Variants in TECRL observed in about 807,000 individuals in gnomAD.
The protein encoded by TECRL is trans-2,3-enoyl-CoA reductase like, also known as trans-2,3-enoyl-CoA reductase-like.
In TECRL, 63 loss-of-function variants were observed where a neutral mutation model predicts 52.8. The ratio of observed to expected loss-of-function variants is 1.19; its 90% confidence interval spans 0.97 to 1.47. TECRL has a LOEUF of 1.47. Among genes scored for constraint, TECRL ranks in the 40% most tolerant of loss-of-function variants. TECRL has a pLI of 0.00. For missense variants in TECRL, 482 were observed against 429.6 expected, an observed-to-expected ratio of 1.12 and a Z score of -1.08; for synonymous variants, 164 against 141.9, an observed-to-expected ratio of 1.16 and a Z score of -1.10.
chr4:64,359,756 T>C (rs1316330446), intron 2 of TECRL, among the ~76,000 whole-genome samples: 1 of 152,054 alleles, frequency 6.6e-6, no homozygotes, highest in Non-Finnish European at 1.5e-5. Flanking sequence ...CTCCTGCAAT[T>C]TTACAATCAT....
chr4:64,339,975 C>G (rs1450765220), intron 2 of TECRL, among the ~76,000 whole-genome samples: 1 of 152,190 alleles, frequency 6.6e-6, no homozygotes, highest in Non-Finnish European at 1.5e-5. Flanking sequence ...CCTCTTCTCT[C>G]TTGGTCTCAC....
chr4:64,351,311 T>G, intron 2 of TECRL, among the ~76,000 whole-genome samples: 1 of 151,118 alleles, frequency 6.6e-6, no homozygotes. Flanking sequence ...TTTGGCAGAG[T>G]CTCACTTTGT....
At chr4:64,372,198 G>A (rs998158021) in intron 2 of TECRL, among the ~76,000 whole-genome samples, 7 of 151,618 alleles carry the variant, frequency 4.6e-5, no homozygotes, top group Non-Finnish European at 8.9e-5. Flanking sequence ...ATGCAAACAA[G>A]AACAATAATT....
intron 2 of TECRL, among the ~76,000 whole-genome samples, chr4:64,346,731 G>A (rs578160577): frequency 5.9e-5 from 9 of 152,312 alleles, no homozygotes; most frequent in African/African-American, 2.2e-4. Context: ...GAGGTGCCCT[G>A]GAGAATTGTC....
chr4:64,289,970 CACA>C (rs1250278225), intron 8 of TECRL, among the ~76,000 whole-genome samples: 4 of 152,134 alleles, frequency 2.6e-5, no homozygotes, highest in Non-Finnish European at 5.9e-5. Flanking sequence ...AATAAAAAGT[CACA>C]ACAAGTTGGA....
chr4:64,387,178 T>A (rs1723236313), intron 1 of TECRL, among the ~76,000 whole-genome samples: 1 of 152,184 alleles, frequency 6.6e-6, no homozygotes, highest in African/African-American at 2.4e-5. Context: ...TGCAACCTTT[T>A]CAGATTGCAT....
At chr4:64,407,076 A>C (rs1724783336) in intron 1 of TECRL, among the ~76,000 whole-genome samples, 1 of 152,068 alleles carries the variant, frequency 6.6e-6, no homozygotes, top group Non-Finnish European at 1.5e-5. Flanking sequence ...ATTATGAAAC[A>C]GTTTATCAAT....
intron 4 of TECRL, 121 bp from the exon 5 acceptor site, chr4:64,314,884 AT>A (rs1241028262): frequency 2.9e-6 from 2 of 690,670 alleles, no homozygotes; most frequent in East Asian, 2.8e-5. Flanking sequence ...TTGTAACTAG[AT>A]TAAGTGATAT....
At chr4:64,317,682 T>A (rs1168191807) in intron 4 of TECRL, among the ~76,000 whole-genome samples, 2 of 152,178 alleles carry the variant, frequency 1.3e-5, no homozygotes, top group African/African-American at 2.4e-5. Flanking sequence ...GTTTGACAGA[T>A]AAATAACATA....
intron 1 of TECRL, among the ~76,000 whole-genome samples, chr4:64,405,728 G>T (rs778869663): frequency 2.6e-5 from 4 of 152,040 alleles, no homozygotes; most frequent in Non-Finnish European, 5.9e-5. Context: ...GAGAAGTTGT[G>T]ATGACTCAGT....
At chr4:64,406,481 A>G (rs1724735053) in intron 1 of TECRL, among the ~76,000 whole-genome samples, 2 of 151,890 alleles carry the variant, frequency 1.3e-5, no homozygotes, top group Non-Finnish European at 2.9e-5. Context: ...AGCATTTGTT[A>G]TTGTTATATT....
intron 2 of TECRL, among the ~76,000 whole-genome samples, chr4:64,353,853 TCCCAAC>T (rs1463629991): frequency 3.3e-5 from 5 of 151,798 alleles, no homozygotes; most frequent in Non-Finnish European, 7.4e-5. Context: ...ATCTAGGCAA[TCCCAAC>T]ATATAAGAGA....
intron 9 of TECRL, among the ~76,000 whole-genome samples, chr4:64,286,870 T>G (rs553205576): frequency 6.6e-6 from 1 of 152,188 alleles, no homozygotes; most frequent in Non-Finnish European, 1.5e-5. Context: ...GAAGCTTGAG[T>G]TGATTACATT....
intron 8 of TECRL, chr4:64,298,966 A>G (rs970753822): frequency 1.5e-4 from 22 of 151,178 alleles, no homozygotes; most frequent in Non-Finnish European, 2.8e-4. Flanking sequence ...CTCCTTGAAC[A>G]GTATGCACAA....
chr4:64,382,917 T>C (rs905507805), intron 1 of TECRL, among the ~76,000 whole-genome samples: 5 of 152,150 alleles, frequency 3.3e-5, no homozygotes, highest in African/African-American at 4.8e-5. Flanking sequence ...GTGGTAGATA[T>C]TATCCTTTTG....
chr4:64,407,291 G>A (rs981303353), intron 1 of TECRL, among the ~76,000 whole-genome samples: 2 of 151,954 alleles, frequency 1.3e-5, no homozygotes, highest in Admixed American at 6.6e-5. Flanking sequence ...GTTCAAACAT[G>A]AGACTCCCAT....
intron 2 of TECRL, among the ~76,000 whole-genome samples, chr4:64,336,889 C>A (rs1719129585): frequency 6.6e-6 from 1 of 152,144 alleles, no homozygotes; most frequent in African/African-American, 2.4e-5. Context: ...GTTATAATTT[C>A]TGTTCTTTTA....
chr4:64,276,780 C>G (rs1467282615), downstream of TECRL: 1 of 291,296 alleles, frequency 3.4e-6, no homozygotes, highest in African/African-American at 2.2e-5. Flanking sequence ...GCCAGCAATG[C>G]AAACTTATTA....
At chr4:64,310,920 T>G (rs1209044555) in intron 5 of TECRL, among the ~76,000 whole-genome samples, 1 of 152,100 alleles carries the variant, frequency 6.6e-6, no homozygotes, top group African/African-American at 2.4e-5. Context: ...GGGTTAAACC[T>G]TGTTGCCCAG....
Sources: allele counts gnomAD v4.1 joint callset (sites outside exome capture counted in the v4.1 genomes callset), GRCh38; gene constraint gnomAD v4.1.1; transcripts MANE v1.5; gene names NCBI Gene and HGNC (gene_info 2026-07-23, HGNC 2026-07-21).